The following DNM3 variants were observed in gnomAD, a reference collection of about 807,000 sequenced individuals.
DNM3 encodes dynamin-3.
Under a neutral mutation model 101.6 loss-of-function variants are expected in DNM3, and 47 were observed. That is an observed-to-expected ratio of 0.46 (90% CI 0.37 to 0.59). DNM3 has a LOEUF of 0.59. DNM3 is among the 20% of genes least tolerant of loss of function. The probability of loss-of-function intolerance (pLI) is 0.00; values close to 1 mark genes in which losing one functional copy is unlikely to be tolerated. For missense variants in DNM3, 849 were observed against 1,085.7 expected (o/e 0.78, Z 3.06); for synonymous variants, 385 against 387.9 (o/e 0.99, Z 0.09).
At chr1:172,191,515 A>G (rs930071435) in intron 14 of DNM3, among the ~76,000 whole-genome samples, 2 of 152,092 alleles carry the variant, frequency 1.3e-5, no homozygotes, top group African/African-American at 2.4e-5. Flanking sequence ...TTTTGGTTCC[A>G]TATGAACTTG....
intron 14 of DNM3, among the ~76,000 whole-genome samples, chr1:172,150,430 C>T (rs1176076319): frequency 6.6e-6 from 1 of 152,172 alleles, no homozygotes; most frequent in Middle Eastern, 3.2e-3. Context: ...TTCACTGCCA[C>T]TCAGGAGGAG....
chr1:171,898,074 A>G (rs2037970547), intron 1 of DNM3, among the ~76,000 whole-genome samples: 1 of 152,176 alleles, frequency 6.6e-6, no homozygotes, highest in Admixed American at 6.5e-5. Flanking sequence ...CATGTAGACC[A>G]TACCTTAGAA....
intron 17 of DNM3, among the ~76,000 whole-genome samples, chr1:172,336,637 G>A (rs1573515852): frequency 1.3e-5 from 2 of 150,868 alleles, no homozygotes; most frequent in South Asian, 4.2e-4. Context: ...CCTAATCACA[G>A]CCTACAATGT....
intron 10 of DNM3, among the ~76,000 whole-genome samples, chr1:172,053,859 C>T (rs866135368): frequency 2.0e-5 from 3 of 151,696 alleles, no homozygotes; most frequent in Non-Finnish European, 4.4e-5. Context: ...TTTTGCAAAG[C>T]AAAATAATCC....
intron 16 of DNM3, chr1:172,310,752 G>T (rs770000065): frequency 6.6e-6 from 1 of 152,274 alleles, no homozygotes; most frequent in African/African-American, 2.4e-5. Flanking sequence ...AAGGAAAGAG[G>T]TCAGGGACCA....
At chr1:172,216,999 G>A (rs759735458) in intron 14 of DNM3, among the ~76,000 whole-genome samples, 10 of 152,174 alleles carry the variant, frequency 6.6e-5, no homozygotes, top group Admixed American at 1.3e-4. Flanking sequence ...CAAAAATTAG[G>A]TCATTTAAAA....
rs566417282 is a variant in DNM3 at position 171,889,179 on chromosome 1, A to G, written c.162-32569A>G. Among the ~76,000 whole-genome samples the G allele has an allele frequency of 8.0e-4, 122 of 152,134 alleles. 2 individuals carry two copies. The highest frequency in any genetic ancestry group is 2.7e-3 in the African/African-American group (111 of 41,502). Reference sequence around the variant, plus strand: ...GTTTTTGTAGAGACAGGGTCTTGCTATGTTGCCTGGGTTGGTCTGCAACTC... The same window carrying G: ...GTTTTTGTAGAGACAGGGTCTTGCTGTGTTGCCTGGGTTGGTCTGCAACTC... On this transcript the variant is annotated intron_variant, in intron 1 of 20. Transcript: ENST00000627582.
rs1323696657 is a variant in DNM3, at chr1:172,250,483, A to G, written c.1660-3090A>G. 3.3e-5 allele frequency among the ~76,000 whole-genome samples: 5 copies of G among 152,162 alleles called. 1 individual carries two copies. The highest frequency in any genetic ancestry group is 6.6e-5 in the Admixed American group (1 of 15,246). On this transcript the variant is annotated intron_variant, in intron 14 of 20. Coordinates refer to ENST00000627582, the MANE Select transcript of DNM3 (RefSeq NM_015569.5). ...GCTATTGAAAGTTCTGAAGGATTGC[A>G]ATGAATTTGACAAAATCGTTTTCAA...
Position 172,253,614 on chromosome 1 carries a change from A to G in DNM3, c.1701A>G (p.Lys567=). ...ACATGCTTCCCTTGGACAACCTGAA[A>G]GTTCGGGATGTGGAAAAGAGCTTTA... is the stretch of plus-strand genomic sequence containing the variant. The part of the protein sequence containing the change: ...KKYMLPLDNL[K]VRDVEKSFMS... Residue 567 remains lysine (K), a synonymous_variant, in exon 15 of 21, where the codon AAA becomes AAG. Transcript: ENST00000627582. 6.3e-7 allele frequency: 1 copy of G among 1,594,958 alleles called. No individual in the cohort carries two copies. The highest frequency in any genetic ancestry group is 8.5e-7 in the Non-Finnish European group (1 of 1,170,424).
chr1:171,891,716 A>G (rs1571448641), intron 1 of DNM3, among the ~76,000 whole-genome samples: 1 of 152,178 alleles, frequency 6.6e-6, no homozygotes, highest in African/African-American at 2.4e-5. Context: ...TCACGGAGTT[A>G]TGTGTTTTTG....
intron 1 of DNM3, among the ~76,000 whole-genome samples, chr1:171,869,634 A>G (rs78683491): frequency 0.012 from 1,755 of 152,258 alleles, 20 homozygotes; most frequent in African/African-American, 0.04. Flanking sequence ...CTTAATTACA[A>G]ATGGATTCGT....
At chr1:172,265,487 T>C (rs12082431) in intron 15 of DNM3, among the ~76,000 whole-genome samples, 35,044 of 152,068 alleles carry the variant, frequency 0.23, 4,112 homozygotes, top group African/African-American at 0.27. Context: ...CTGGCTCTTT[T>C]AAAGATGGCA....
At chr1:172,174,869 T>G (rs1274934976) in intron 14 of DNM3, among the ~76,000 whole-genome samples, 6 of 151,736 alleles carry the variant, frequency 4.0e-5, no homozygotes, top group Non-Finnish European at 7.4e-5. Context: ...CTGAATAAGA[T>G]ATCACAAAAT....
chr1:171,990,172 T>C (rs2045542654), intron 4 of DNM3, among the ~76,000 whole-genome samples: 1 of 152,198 alleles, frequency 6.6e-6, no homozygotes, highest in African/African-American at 2.4e-5. Context: ...GAAGGTTTTC[T>C]TTTGTAATCT....
intron 6 of DNM3, among the ~76,000 whole-genome samples, chr1:172,034,885 G>T (rs1438508586): frequency 1.3e-5 from 2 of 152,054 alleles, no homozygotes; most frequent in African/African-American, 4.8e-5. Context: ...AATGTTTCTA[G>T]ACCAAATTGA....
chr1:172,103,356 T>C (rs919742123), intron 13 of DNM3, among the ~76,000 whole-genome samples: 1 of 152,214 alleles, frequency 6.6e-6, no homozygotes, highest in Non-Finnish European at 1.5e-5. Flanking sequence ...TAAAAGCTGG[T>C]GTATGGTAGC....
intron 6 of DNM3, among the ~76,000 whole-genome samples, chr1:172,035,278 C>T (rs1281478604): frequency 9.2e-5 from 14 of 152,126 alleles, no homozygotes; most frequent in Non-Finnish European, 2.1e-4. Context: ...ATCATTGACA[C>T]ATCCAAGAGG....
chr1:172,274,261 A>C (rs1298162470), intron 15 of DNM3, among the ~76,000 whole-genome samples: 1 of 152,022 alleles, frequency 6.6e-6, no homozygotes, highest in African/African-American at 2.4e-5. Flanking sequence ...CTCTTTGCTG[A>C]GTGATGATGC....
intron 15 of DNM3, 96 bp downstream of exon 15, chr1:172,253,778 C>A (rs1296786385): frequency 1.4e-6 from 1 of 714,882 alleles, no homozygotes. Context: ...TTGGTCACAC[C>A]TTGAAATTTG....
Sources: gnomAD v4.1 joint callset for allele counts (sites outside exome capture counted in the v4.1 genomes callset) on GRCh38, gnomAD v4.1.1 for gene constraint, MANE v1.5 for transcripts, NCBI Gene and HGNC (gene_info 2026-07-23, HGNC 2026-07-21) for gene names.